Variants in IQGAP2 observed in about 807,000 individuals in gnomAD.
IQGAP2 encodes IQ motif containing GTPase activating protein 2.
A neutral mutation model predicts 201.3 loss-of-function variants in IQGAP2; 173 were observed. That is an observed-to-expected ratio of 0.86 (90% confidence interval 0.76 to 0.98). The LOEUF is 0.98. IQGAP2 is among the 50% of genes least tolerant of loss of function. IQGAP2 has a pLI of 0.00. For missense variants in IQGAP2, 1,687 were observed against 1,864.8 expected (o/e 0.90, Z 1.76); for synonymous variants, 675 against 673.9 (o/e 1.00, Z -0.03).
chr5:76,643,222 A>C (rs1487538504), intron 17 of IQGAP2, among the ~76,000 whole-genome samples: 2 of 152,216 alleles, frequency 1.3e-5, no homozygotes, highest in African/African-American at 4.8e-5. Flanking sequence ...TAGAATAATA[A>C]AATGAAAAGA....
chr5:76,703,798 G>A (rs1469509413), intron 35 of IQGAP2, among the ~76,000 whole-genome samples: 5 of 151,926 alleles, frequency 3.3e-5, no homozygotes, highest in Non-Finnish European at 7.4e-5. Flanking sequence ...TCTTACCTGG[G>A]CCCCAAACTA....
At chr5:76,517,642 C>A (rs1267103991) in intron 2 of IQGAP2, among the ~76,000 whole-genome samples, 1 of 149,036 alleles carries the variant, frequency 6.7e-6, no homozygotes, top group African/African-American at 2.5e-5. Flanking sequence ...ATAAGAAAGA[C>A]ACTGTAAAGC....
chr5:76,597,332 A>G (rs778345440), intron 9 of IQGAP2, 107 bp from the exon 10 acceptor site: 5 of 1,122,786 alleles, frequency 4.5e-6, no homozygotes, highest in Non-Finnish European at 6.5e-6. Context: ...TTCAGAGTTC[A>G]TGAAAAGTAA....
chr5:76,575,932 A>T (rs1745440857), intron 5 of IQGAP2, among the ~76,000 whole-genome samples, 163 bp downstream of exon 5: 1 of 152,234 alleles, frequency 6.6e-6, no homozygotes. Flanking sequence ...TAATGGTCAC[A>T]TATAAGCAAT....
At chr5:76,642,823 C>T in intron 17 of IQGAP2, among the ~76,000 whole-genome samples, 1 of 152,182 alleles carries the variant, frequency 6.6e-6, no homozygotes, top group Non-Finnish European at 1.5e-5. Context: ...CCCTCCCTGC[C>T]ATCAGTGGTC....
chr5:76,409,082 C>T (rs1022686927), intron 1 of IQGAP2, among the ~76,000 whole-genome samples: 1 of 151,336 alleles, frequency 6.6e-6, no homozygotes, highest in Non-Finnish European at 1.5e-5. Context: ...TGTGAGCCAC[C>T]ACGCCCAGTG....
At chr5:76,474,479 G>A (rs571282713) in intron 2 of IQGAP2, among the ~76,000 whole-genome samples, 2 of 152,246 alleles carry the variant, frequency 1.3e-5, no homozygotes, top group South Asian at 2.1e-4. Context: ...ACCCATTTTG[G>A]TGCAAGAACA....
intron 13 of IQGAP2, among the ~76,000 whole-genome samples, chr5:76,621,781 T>A (rs1454549435): frequency 6.6e-6 from 1 of 152,180 alleles, no homozygotes; most frequent in African/African-American, 2.4e-5. Flanking sequence ...CATTGTTAAA[T>A]TTTTTTATTG....
chr5:76,589,182 G>A (rs1211066038), intron 6 of IQGAP2, among the ~76,000 whole-genome samples: 2 of 151,940 alleles, frequency 1.3e-5, no homozygotes, highest in African/African-American at 4.8e-5. Flanking sequence ...CGTGGTGGGG[G>A]GCTCCTGTAG....
intron 1 of IQGAP2, among the ~76,000 whole-genome samples, chr5:76,412,926 A>G (rs1378222588): frequency 6.6e-6 from 1 of 152,150 alleles, no homozygotes; most frequent in Non-Finnish European, 1.5e-5. Flanking sequence ...AAATGATTTA[A>G]TAGATGGAAA....
Position 76,574,592 on chromosome 5 carries a change from A to G in IQGAP2, c.382-1101A>G, listed in dbSNP as rs752690424. On this transcript the variant is annotated intron_variant, in intron 4 of 35. Transcript: ENST00000274364. ...CCTGAAATCTGTTTCTTATCAGGCT[A>G]TTAGTTTCAAGTTTAAGAAAAAGAG... Among the ~76,000 whole-genome samples, 7 of 152,344 alleles carry G rather than the reference A, an allele frequency of 4.6e-5. No homozygotes were observed. In the South Asian group the frequency reaches 6.2e-4, roughly 14 times the overall value.
At chr5:76,404,209 T>C (rs1475122223) in intron 1 of IQGAP2, among the ~76,000 whole-genome samples, 1 of 151,820 alleles carries the variant, frequency 6.6e-6, no homozygotes, top group Non-Finnish European at 1.5e-5. Flanking sequence ...CGCGGGAGGA[T>C]TGCTGTGTGG....
chr5:76,681,367 G>A (rs909387186), intron 28 of IQGAP2, among the ~76,000 whole-genome samples: 3 of 151,818 alleles, frequency 2.0e-5, no homozygotes, highest in Non-Finnish European at 2.9e-5. Flanking sequence ...GAATTCCTAC[G>A]AATCGACAAC....
chr5:76,525,158 T>C (rs563053489), intron 2 of IQGAP2, among the ~76,000 whole-genome samples: 4 of 152,306 alleles, frequency 2.6e-5, no homozygotes, highest in African/African-American at 9.6e-5. Flanking sequence ...ACTCAGAGAA[T>C]CTTGGCTGAA....
intron 1 of IQGAP2, among the ~76,000 whole-genome samples, chr5:76,406,410 C>T (rs1187059872): frequency 6.6e-6 from 1 of 152,136 alleles, no homozygotes; most frequent in Non-Finnish European, 1.5e-5. Context: ...ACAAACAAAG[C>T]TGAAACAATT....
At chr5:76,618,361 G>C in intron 13 of IQGAP2, 2 of 1,614,204 alleles carry the variant, frequency 1.2e-6, no homozygotes, top group Non-Finnish European at 1.7e-6. Flanking sequence ...AGCATCCACA[G>C]GGTCACAGCA....
At position 76,673,939 on chromosome 5, in the gene IQGAP2, G is replaced by A; in HGVS notation, c.3210-13G>A. ...TTTCCATTATTTTCTTTTGTCATCTGTTTTATATGTAGTTATGGATTGAGG... is the reference window on the plus strand; with the variant it reads ...TTTCCATTATTTTCTTTTGTCATCTATTTTATATGTAGTTATGGATTGAGG... On this transcript the variant is annotated splice_polypyrimidine_tract_variant and intron_variant, in intron 25 of 35. Transcript: ENST00000274364. 2 of 1,466,306 alleles carry A rather than the reference G, an allele frequency of 1.4e-6. No individual in the cohort carries two copies. Among genetic ancestry groups the A allele is most frequent in the Non-Finnish European group, 1.9e-6 (2 of 1,048,288 alleles). The allele number at this position is 1,466,306 out of a possible 1,614,324, so 90.8% of individuals were successfully genotyped here.
chr5:76,618,306 T>C lies in IQGAP2; in HGVS notation c.1521+7123T>C, dbSNP rs781677980. Reference sequence around the variant, plus strand: ...AAAAAGAAAATCTGCAATGGCCAGGTTGGTGTAGAATACAGTGGTACAGAT... The same window carrying C: ...AAAAAGAAAATCTGCAATGGCCAGGCTGGTGTAGAATACAGTGGTACAGAT... On this transcript the variant is annotated intron_variant, in intron 13 of 35. Coordinates refer to ENST00000274364, the MANE Select transcript of IQGAP2 (RefSeq NM_006633.5). 17 of 1,614,044 alleles carry C rather than the reference T, an allele frequency of 1.1e-5. No homozygotes were observed. The highest frequency in any genetic ancestry group is 5.0e-5 in the Admixed American group (3 of 60,012).
chr5:76,573,811 G>A (rs1214541211), intron 4 of IQGAP2, among the ~76,000 whole-genome samples: 1 of 149,268 alleles, frequency 6.7e-6, no homozygotes, highest in Non-Finnish European at 1.5e-5. Context: ...TTTAGTAGAG[G>A]CGAGGTTTCA....
Sources: gnomAD v4.1 joint callset for allele counts (sites outside exome capture counted in the v4.1 genomes callset) on GRCh38, gnomAD v4.1.1 for gene constraint, MANE v1.5 for transcripts, NCBI Gene and HGNC (gene_info 2026-07-23, HGNC 2026-07-21) for gene names.